Variants in CEP76 observed in about 807,000 individuals in gnomAD.
CEP76 encodes the protein centrosomal protein of 76 kDa.
Under a neutral mutation model 83.3 loss-of-function variants are expected in CEP76, and 55 were observed. The ratio of observed to expected loss-of-function variants is 0.66; its 90% CI spans 0.53 to 0.83. The LOEUF (loss-of-function observed/expected upper bound fraction) is 0.83, where lower values mean the gene tolerates loss of function less well. Among genes scored for constraint, CEP76 ranks in the 40% least tolerant of loss-of-function variants. The pLI is 0.00. For missense variants in CEP76, 694 were observed against 799.5 expected (o/e 0.87, Z 1.59); for synonymous variants, 270 against 274.5 (o/e 0.98, Z 0.16).
chr18:12,674,808 C>T lies in CEP76; in HGVS notation c.1624-55G>A, dbSNP rs982137806. 7 of 1,119,188 alleles carry T rather than the reference C, an allele frequency of 6.3e-6. No homozygotes were observed. The East Asian group carries it at 1.3e-4, about 21-fold the overall frequency. The allele number at this position is 1,119,188 out of a possible 1,614,324, so 69.3% of individuals were successfully genotyped here. The stretch of plus-strand genomic sequence containing the variant: ...TGAAATACATTAATATTTTTAAAAC[C>T]AACTAAATAAAAATGTTGATTATTT... On this transcript the variant is annotated intron_variant, in intron 10 of 11. Transcript: ENST00000262127.
At position 12,662,017 on chromosome 18, in the gene CEP76, T is replaced by G. The variant is rs1266507757; in HGVS notation, c.*1880A>C. The G allele has an allele frequency of 1.1e-5, 3 of 263,250 alleles. No homozygotes were observed. In the Admixed American group the frequency reaches 1.5e-4, roughly 13 times the overall value. 16.3% of individuals were successfully genotyped at this position (263,250 alleles called of 1,614,324 possible). The stretch of plus-strand genomic sequence containing the variant: ...TTGAATCCTTGACTTTTTTTATATT[T>G]ACTTCTTATTCTTGTAGAATAAGTG... On this transcript the variant is annotated 3_prime_UTR_variant and NMD_transcript_variant, in exon 13 of 13. Coordinates refer to the CEP76 transcript ENST00000590143.
At position 12,673,272 on chromosome 18, in the gene CEP76, A is replaced by G; in HGVS notation, c.*93T>C. ...AGTATGCCATTCAAGCCAGATTGTG[A>G]TTTTAAAATAACAAACCTCTAAATA... On this transcript the variant is annotated 3_prime_UTR_variant, in exon 12 of 12. Coordinates refer to ENST00000262127, the MANE Select transcript of CEP76 (RefSeq NM_024899.4). 1 of 1,482,296 alleles carries G rather than the reference A, an allele frequency of 6.7e-7. No individual in the cohort carries two copies. The highest frequency in any genetic ancestry group is 1.4e-5 in the South Asian group (1 of 69,614). The allele number at this position is 1,482,296 out of a possible 1,614,324, so 91.8% of individuals were successfully genotyped here.
chr18:12,677,444 G>C (rs951471591), intron 10 of CEP76, among the ~76,000 whole-genome samples: 1 of 123,128 alleles, frequency 8.1e-6, no homozygotes, highest in Non-Finnish European at 1.6e-5. Context: ...GTGACAGAGC[G>C]AGAGATTCCA....
At chr18:12,694,589 C>G (rs1189661819) in intron 6 of CEP76, among the ~76,000 whole-genome samples, 1 of 152,190 alleles carries the variant, frequency 6.6e-6, no homozygotes, top group East Asian at 1.9e-4. Flanking sequence ...CCTGAGAGAA[C>G]AGAGCAGAAA....
At chr18:12,673,568 A>G (rs957005197) in intron 11 of CEP76, 65 bp from the exon 12 acceptor site, 1 of 1,303,626 alleles carries the variant, frequency 7.7e-7, no homozygotes, top group Non-Finnish European at 1.1e-6. Flanking sequence ...CTTATTTGCA[A>G]GTAAATCAGT....
chr18:12,693,593 G>A (rs534074475), intron 6 of CEP76, among the ~76,000 whole-genome samples: 1 of 152,212 alleles, frequency 6.6e-6, no homozygotes, highest in East Asian at 1.9e-4. Flanking sequence ...GACCATCCTG[G>A]CCAACATGGT....
At chr18:12,701,956 G>A (rs1417702431) in intron 1 of CEP76, among the ~76,000 whole-genome samples, 1 of 151,944 alleles carries the variant, frequency 6.6e-6, no homozygotes, top group African/African-American at 2.4e-5. Context: ...TGGTGAAACC[G>A]TCTCTACTAA....
chr18:12,673,133 T>C lies in CEP76; in HGVS notation c.*232A>G. ...AAGTAGCATTTATTAAAATAGAATA[T>C]ACACTTAATTTATACTAAATTCCAG... On this transcript the variant is annotated 3_prime_UTR_variant, in exon 12 of 12. Coordinates refer to ENST00000262127, the MANE Select transcript of CEP76 (RefSeq NM_024899.4). 8.0e-6 allele frequency: 9 copies of C among 1,119,422 alleles called. No individual in the cohort carries two copies. Among genetic ancestry groups the C allele is most frequent in the Non-Finnish European group, 1.0e-5 (9 of 895,332 alleles). The allele number at this position is 1,119,422 out of a possible 1,614,324, so 69.3% of individuals were successfully genotyped here.
At chr18:12,681,488 G>A (rs181010470) in intron 8 of CEP76, among the ~76,000 whole-genome samples, 17 of 152,092 alleles carry the variant, frequency 1.1e-4, no homozygotes, top group Non-Finnish European at 2.4e-4. Flanking sequence ...GGGCTCAAGT[G>A]ATCCTCCTGC....
At chr18:12,665,904 C>T (rs775567341) in intron 12 of CEP76, among the ~76,000 whole-genome samples, 5 of 152,152 alleles carry the variant, frequency 3.3e-5, no homozygotes, top group African/African-American at 4.8e-5. Flanking sequence ...ACCATGTTGG[C>T]CAGGCTGGTC....
chr18:12,676,913 G>A (rs1379693534), intron 10 of CEP76, among the ~76,000 whole-genome samples: 1 of 152,148 alleles, frequency 6.6e-6, no homozygotes, highest in East Asian at 1.9e-4. Context: ...GCTCACCCAA[G>A]GTGAGGAGTG....
intron 6 of CEP76, among the ~76,000 whole-genome samples, chr18:12,694,836 G>C (rs927524221): frequency 2.6e-5 from 4 of 151,308 alleles, no homozygotes; most frequent in Admixed American, 2.6e-4. Flanking sequence ...TCAGCCTCCC[G>C]GGTAGCTGGT....
chr18:12,675,988 C>T (rs1466244659), intron 10 of CEP76, among the ~76,000 whole-genome samples: 2 of 151,846 alleles, frequency 1.3e-5, no homozygotes, highest in East Asian at 1.9e-4. Flanking sequence ...ATTTATAACA[C>T]CAAAAGACCT....
At chr18:12,669,220 C>T (rs1402288117), downstream of CEP76, among the ~76,000 whole-genome samples, 1 of 151,624 alleles carries the variant, frequency 6.6e-6, no homozygotes, top group Non-Finnish European at 1.5e-5. Flanking sequence ...TGAAGCGATT[C>T]TCCTGTCTCA....
At chr18:12,695,511 C>T (rs1231822206) in intron 5 of CEP76, among the ~76,000 whole-genome samples, 160 bp from the exon 6 acceptor site, 2 of 151,946 alleles carry the variant, frequency 1.3e-5, no homozygotes, top group African/African-American at 4.8e-5. Context: ...TAAAATGAAC[C>T]AAATCAATTT....
chr18:12,672,635 ACTGCAAGATC>A lies in CEP76; in HGVS notation c.*720_*729del. The A allele has an allele frequency of 1.0e-6, 1 of 981,676 alleles. No individual in the cohort carries two copies. Among genetic ancestry groups the A allele is most frequent in the Non-Finnish European group, 1.2e-6 (1 of 826,432 alleles). The allele number at this position is 981,676 out of a possible 1,614,324, so 60.8% of individuals were successfully genotyped here. On this transcript the variant is annotated 3_prime_UTR_variant, in exon 12 of 12. Coordinates refer to ENST00000262127, the MANE Select transcript of CEP76 (RefSeq NM_024899.4). The stretch of plus-strand genomic sequence containing the variant: ...TCTGACCACAGAAAATCAGTGATCG[ACTGCAAGATC>A]ACAATTTATCAGTATCATAACAAAG...
intron 6 of CEP76, among the ~76,000 whole-genome samples, chr18:12,691,814 C>T (rs951982988): frequency 6.6e-6 from 1 of 151,256 alleles, no homozygotes; most frequent in Admixed American, 6.6e-5. Context: ...CTCCCATGTT[C>T]AAGCAATTCT....
chr18:12,697,788 C>G (rs1167626224), intron 4 of CEP76, among the ~76,000 whole-genome samples: 1 of 152,130 alleles, frequency 6.6e-6, no homozygotes, highest in Non-Finnish European at 1.5e-5. Context: ...GAAATTATCA[C>G]TGTATAATTG....
At chr18:12,682,392 T>G (rs1434390951) in intron 8 of CEP76, among the ~76,000 whole-genome samples, 1 of 152,140 alleles carries the variant, frequency 6.6e-6, no homozygotes, top group Non-Finnish European at 1.5e-5. Context: ...TTTCACCAAG[T>G]TGCCCTGGCT....
Sources: gnomAD v4.1 joint callset for allele counts (sites outside exome capture counted in the v4.1 genomes callset) on GRCh38, gnomAD v4.1.1 for gene constraint, MANE v1.5 for transcripts, NCBI Gene and HGNC (gene_info 2026-07-23, HGNC 2026-07-21) for gene names.